EFHC1: variants seen among roughly 807,000 people sequenced by gnomAD.
EFHC1 encodes EF-hand domain-containing protein 1.
In EFHC1, 53 loss-of-function variants were observed where a neutral mutation model predicts 69.9. The observed-to-expected ratio is 0.76, with a 90% CI of 0.61 to 0.95. The LOEUF (loss-of-function observed/expected upper bound fraction) is 0.95. Among genes scored for constraint, EFHC1 ranks in the 40% least tolerant of loss-of-function variants. The pLI is 0.00. For missense variants in EFHC1, 739 were observed against 798.7 expected (o/e 0.93, Z 0.90); for synonymous variants, 256 against 278.4 (o/e 0.92, Z 0.80).
chr6:52,440,367 A>G (rs1369736402), intron 3 of EFHC1, among the ~76,000 whole-genome samples: 1 of 152,102 alleles, frequency 6.6e-6, no homozygotes, highest in East Asian at 1.9e-4. Context: ...GGTGTGTTAC[A>G]GCCTTCTTGT....
At chr6:52,439,344 C>G (rs986099421) in intron 3 of EFHC1, among the ~76,000 whole-genome samples, 1 of 152,130 alleles carries the variant, frequency 6.6e-6, no homozygotes, top group African/African-American at 2.4e-5. Context: ...CTAATTTTTA[C>G]CATGCACTGA....
chr6:52,446,945 G>T (rs111879963), intron 3 of EFHC1, among the ~76,000 whole-genome samples: 600 of 152,296 alleles, frequency 3.9e-3, no homozygotes, highest in Non-Finnish European at 5.9e-3. Flanking sequence ...TGGTCTGAAT[G>T]GCTTCACTTT....
Position 52,420,750 on chromosome 6 carries a change from G to A in EFHC1, c.63+277G>A, listed in dbSNP as rs576338146. The stretch of plus-strand genomic sequence containing the variant: ...GTGTTGGCGCCTTCATTCTCATCCC[G>A]TTAGCCGCGTTCTTTCTTACGGCCC... On this transcript the variant is annotated intron_variant, in intron 1 of 10. Coordinates refer to ENST00000371068, the MANE Select transcript of EFHC1 (RefSeq NM_018100.4). Among the ~76,000 whole-genome samples the A allele has an allele frequency of 3.9e-5, 6 of 151,920 alleles. No individual in the cohort carries two copies. In the East Asian group the frequency reaches 1.2e-3, roughly 29 times the overall value.
intron 9 of EFHC1, chr6:52,480,152 T>C (rs776938009): frequency 2.1e-6 from 1 of 467,362 alleles, no homozygotes; most frequent in Non-Finnish European, 3.8e-6. Flanking sequence ...TTTTCTGTCA[T>C]GTGTATTGCA....
chr6:52,478,955 C>T (rs1765604161), intron 7 of EFHC1, 82 bp from the exon 8 acceptor site: 7 of 1,274,882 alleles, frequency 5.5e-6, no homozygotes, highest in Non-Finnish European at 6.8e-6. Context: ...ATATCCTATA[C>T]CTGGCCCCTA....
At chr6:52,487,813 C>T (rs1186598587) in intron 9 of EFHC1, 3 of 152,274 alleles carry the variant, frequency 2.0e-5, no homozygotes, top group South Asian at 2.1e-4. Flanking sequence ...CTCCGGCCAC[C>T]TCTCAGTTGG....
At chr6:52,455,387 G>A (rs1248262130) in intron 5 of EFHC1, among the ~76,000 whole-genome samples, 3 of 152,030 alleles carry the variant, frequency 2.0e-5, no homozygotes, top group Non-Finnish European at 4.4e-5. Flanking sequence ...GGGCACGGTG[G>A]CTCACACCTG....
At position 52,490,274 on chromosome 6, in the gene EFHC1, G is replaced by T. The variant is rs1765869656; in HGVS notation, c.1775G>T (p.Gly592Val). The T allele has an allele frequency of 6.2e-7, 1 of 1,614,154 alleles. No homozygotes were observed. The highest frequency in any genetic ancestry group is 1.1e-5 in the South Asian group (1 of 91,092). ...AFQIYDKEAS[G>V]YVDRDMFFKI... ...CAAATTTATGACAAGGAAGCTTCAG[G>T]ATATGTGGACAGAGACATGTTCTTT... The change falls in exon 10 of 11, where the codon GGA becomes GTA. Residue 592 changes from glycine to valine, a missense_variant. Coordinates refer to ENST00000371068, the MANE Select transcript of EFHC1 (RefSeq NM_018100.4).
intron 2 of EFHC1, among the ~76,000 whole-genome samples, chr6:52,425,248 C>G (rs1764278216): frequency 6.6e-6 from 1 of 152,186 alleles, no homozygotes; most frequent in Admixed American, 6.5e-5. Context: ...TTGGATGTAT[C>G]TTTTCCTTTT....
chr6:52,456,071 A>AG (rs1361413189), intron 5 of EFHC1, among the ~76,000 whole-genome samples: 1 of 152,212 alleles, frequency 6.6e-6, no homozygotes, highest in African/African-American at 2.4e-5. Context: ...ATGTGAGGAG[A>AG]GGAGAATGAG....
intron 7 of EFHC1, among the ~76,000 whole-genome samples, chr6:52,477,440 A>G (rs1765567565): frequency 6.6e-6 from 1 of 152,206 alleles, no homozygotes; most frequent in Non-Finnish European, 1.5e-5. Context: ...AGGAATAAAC[A>G]AATCTGTATT....
chr6:52,424,457 C>A (rs1276051380), intron 2 of EFHC1, among the ~76,000 whole-genome samples: 7 of 152,144 alleles, frequency 4.6e-5, no homozygotes, highest in African/African-American at 1.4e-4. Context: ...AATTTATATT[C>A]TATGTTTATC....
At chr6:52,488,394 T>C (rs1230861432) in intron 9 of EFHC1, 1 of 152,194 alleles carries the variant, frequency 6.6e-6, no homozygotes, top group Non-Finnish European at 1.5e-5. Context: ...ATGACCAGAA[T>C]TTGAAAATTT....
intron 5 of EFHC1, among the ~76,000 whole-genome samples, chr6:52,455,312 A>AT (rs1162347632): frequency 4.0e-5 from 6 of 151,420 alleles, no homozygotes; most frequent in East Asian, 3.9e-4. Flanking sequence ...GTGTTCACTG[A>AT]TTTTTTTTTC....
At chr6:52,467,504 A>T (rs1765336665) in intron 6 of EFHC1, among the ~76,000 whole-genome samples, 1 of 152,036 alleles carries the variant, frequency 6.6e-6, no homozygotes, top group African/African-American at 2.4e-5. Context: ...AGCCAATGGA[A>T]TTTTTTGAGT....
intron 3 of EFHC1, among the ~76,000 whole-genome samples, chr6:52,443,374 C>A (rs1367299966): frequency 6.6e-6 from 1 of 152,180 alleles, no homozygotes; most frequent in Non-Finnish European, 1.5e-5. Context: ...TGCCTATGTC[C>A]TGAATGGTAT....
At chr6:52,445,465 G>A (rs1330288212) in intron 3 of EFHC1, among the ~76,000 whole-genome samples, 1 of 107,848 alleles carries the variant, frequency 9.3e-6, no homozygotes, top group East Asian at 2.5e-4. Context: ...CTACCCCGCA[G>A]CAGTCCCCAG....
intron 9 of EFHC1, chr6:52,483,796 G>A (rs1765729418): frequency 6.6e-6 from 1 of 152,100 alleles, no homozygotes; most frequent in South Asian, 2.1e-4. Context: ...TATGTCAGAT[G>A]GGGATTTAGC....
chr6:52,459,044 A>G (rs939268634), intron 5 of EFHC1, among the ~76,000 whole-genome samples: 16 of 152,222 alleles, frequency 1.1e-4, no homozygotes, highest in Non-Finnish European at 8.8e-5. Flanking sequence ...AAAGACAGGA[A>G]CAATAGACAC....
Sources: allele counts gnomAD v4.1 joint callset (sites outside exome capture counted in the v4.1 genomes callset), GRCh38; gene constraint gnomAD v4.1.1; transcripts MANE v1.5; gene names NCBI Gene and HGNC (gene_info 2026-07-23, HGNC 2026-07-21).